TPCN1: variants seen among roughly 807,000 people sequenced by gnomAD.
The protein encoded by TPCN1 is two pore segment channel 1.
Under a neutral mutation model 108.8 loss-of-function variants are expected in TPCN1, and 52 were observed. The ratio of observed to expected loss-of-function variants is 0.48; its 90% CI spans 0.38 to 0.60. TPCN1 has a LOEUF of 0.60. Ranked by LOEUF, TPCN1 falls within the 20% of genes least tolerant of loss-of-function variation. TPCN1 has a pLI of 0.00. For synonymous variants in TPCN1, 446 were observed against 433.7 expected, an observed-to-expected ratio of 1.03 and a Z score of -0.35; for missense variants, 806 against 1,072.8, an observed-to-expected ratio of 0.75 and a Z score of 3.47.
chr12:113,280,694 C>T (rs539517222), intron 15 of TPCN1, among the ~76,000 whole-genome samples: 5 of 152,278 alleles, frequency 3.3e-5, no homozygotes, highest in Admixed American at 6.5e-5. Flanking sequence ...GATTAATAGC[C>T]ACAAATGGCT....
At position 113,268,995 on chromosome 12, in the gene TPCN1, C is replaced by A; in HGVS notation, c.659+123C>A. ...CGACCCTGCATGCTGGTGGAGTACA[C>A]GCAGACTCACTCTCCCTCTGCCATT... On this transcript the variant is annotated intron_variant, in intron 6 of 27. Transcript: ENST00000335509. The surrounding 1 kb of genome is among the most constrained non-coding windows in gnomAD (Gnocchi z 7.3). 9.2e-7 allele frequency: 1 copy of A among 1,085,780 alleles called. No individual in the cohort carries two copies. Among genetic ancestry groups the A allele is most frequent in the African/African-American group, 1.5e-5 (1 of 65,090 alleles). The allele number at this position is 1,085,780 out of a possible 1,614,324, so 67.3% of individuals were successfully genotyped here.
chr12:113,289,530 A>C lies in TPCN1; in HGVS notation c.1797-598A>C, dbSNP rs1012596807. On this transcript the variant is annotated intron_variant, in intron 21 of 27. Coordinates refer to ENST00000335509, the MANE Select transcript of TPCN1 (RefSeq NM_017901.6). The surrounding 1 kb of genome is among the most constrained non-coding windows in gnomAD (Gnocchi z 4.1). Reference sequence around the variant, plus strand: ...TTGCAGTCACCAGGGAGCTTAGTGCAAGCTCCAGACCTCACTCTTGTGTCT... The same window carrying C: ...TTGCAGTCACCAGGGAGCTTAGTGCCAGCTCCAGACCTCACTCTTGTGTCT... Among the ~76,000 whole-genome samples the C allele has an allele frequency of 2.0e-5, 3 of 152,220 alleles. No homozygotes were observed. The highest frequency in any genetic ancestry group is 4.4e-5 in the Non-Finnish European group (3 of 68,036).
chr12:113,250,617 G>A (rs925993971), intron 2 of TPCN1, among the ~76,000 whole-genome samples: 12 of 152,240 alleles, frequency 7.9e-5, no homozygotes, highest in African/African-American at 2.7e-4. Flanking sequence ...AAACAAAGGA[G>A]TAGATGAACA....
At chr12:113,250,235 T>G (rs1954580008) in intron 2 of TPCN1, among the ~76,000 whole-genome samples, 1 of 152,210 alleles carries the variant, frequency 6.6e-6, no homozygotes, top group Non-Finnish European at 1.5e-5. Context: ...TCTAGGCAGC[T>G]GGGCCCTGCT....
intron 2 of TPCN1, among the ~76,000 whole-genome samples, chr12:113,241,360 G>A (rs1008972147): frequency 3.3e-5 from 5 of 152,214 alleles, no homozygotes; most frequent in Admixed American, 3.3e-4. Context: ...ACCTGCAGCA[G>A]CAGCAGCAGC....
chr12:113,225,446 C>G (rs1953434892), intron 1 of TPCN1: 1 of 296,034 alleles, frequency 3.4e-6, no homozygotes. Context: ...TGTCACTCTC[C>G]AGACAGAATT....
chr12:113,269,751 C>A lies in TPCN1; in HGVS notation c.660-6C>A, dbSNP rs367897848. ...GCCTCCCCTGAGCTGGCCCATCTCT[C>A]CCCAGCAACCTGCGGCAGATCTTCC... On this transcript the variant is annotated splice_region_variant and splice_polypyrimidine_tract_variant and intron_variant, in intron 6 of 27. Transcript: ENST00000335509. The surrounding 1 kb of genome is among the most constrained non-coding windows in gnomAD (Gnocchi z 5.0). 2.5e-6 allele frequency: 4 copies of A among 1,612,904 alleles called. No individual in the cohort carries two copies. The highest frequency in any genetic ancestry group is 2.5e-6 in the Non-Finnish European group (3 of 1,179,932).
chr12:113,260,593 G>A, intron 3 of TPCN1, 101 bp downstream of exon 3: 2 of 1,398,124 alleles, frequency 1.4e-6, no homozygotes, highest in Non-Finnish European at 1.9e-6. Context: ...TCCAGCATCA[G>A]TTCATGCTGC....
intron 2 of TPCN1, among the ~76,000 whole-genome samples, chr12:113,233,369 C>G (rs1317926253): frequency 1.3e-5 from 2 of 152,240 alleles, no homozygotes; most frequent in East Asian, 3.9e-4. Flanking sequence ...TCAGCTTCCC[C>G]ATCGGGGAGG....
rs1300083499 is a variant in TPCN1 at position 113,231,741 on chromosome 12, CT to C, written c.112+4778del. Among the ~76,000 whole-genome samples the C allele has an allele frequency of 6.6e-6, 1 of 152,210 alleles. No homozygotes were observed. Among genetic ancestry groups the C allele is most frequent in the African/African-American group, 2.4e-5 (1 of 41,442 alleles). On this transcript the variant is annotated intron_variant, in intron 2 of 27. Coordinates refer to ENST00000335509, the MANE Select transcript of TPCN1 (RefSeq NM_017901.6). The surrounding 1 kb of genome is among the most constrained non-coding windows in gnomAD (Gnocchi z 4.3). Reference sequence around the variant, plus strand: ...AGACATCTTTGGGCTCTAAGTGCGGCTGCTGCAGTGCTAATGAATGACTCAC... The same window carrying C: ...AGACATCTTTGGGCTCTAAGTGCGGCGCTGCAGTGCTAATGAATGACTCAC...
chr12:113,271,680 G>A (rs1323342624), intron 7 of TPCN1, among the ~76,000 whole-genome samples: 1 of 152,100 alleles, frequency 6.6e-6, no homozygotes, highest in Non-Finnish European at 1.5e-5. Flanking sequence ...CTCTTCTGTC[G>A]GACGTTTTTC....
At position 113,261,043 on chromosome 12, in the gene TPCN1, A is replaced by G. The variant is rs191317976; in HGVS notation, c.237+551A>G. ...CCCTGTCTCTACTAAAAATACAAAAAATTAGCTGGGCGTTGGTGGGCGCCT... is the reference window on the plus strand; with the variant it reads ...CCCTGTCTCTACTAAAAATACAAAAGATTAGCTGGGCGTTGGTGGGCGCCT... On this transcript the variant is annotated intron_variant, in intron 3 of 27. Transcript: ENST00000335509. Among the ~76,000 whole-genome samples the G allele has an allele frequency of 5.4e-3, 822 of 152,136 alleles. 7 individuals carry two copies. Among genetic ancestry groups the G allele is most frequent in the African/African-American group, 0.018 (761 of 41,490 alleles).
chr12:113,225,002 CT>C (rs1953419806), intron 1 of TPCN1, among the ~76,000 whole-genome samples: 1 of 151,988 alleles, frequency 6.6e-6, no homozygotes, highest in African/African-American at 2.4e-5. Flanking sequence ...CCACCCGTCT[CT>C]GCCTCCCAAA....
chr12:113,257,308 A>G (rs554512223), intron 2 of TPCN1, among the ~76,000 whole-genome samples: 39 of 152,288 alleles, frequency 2.6e-4, no homozygotes, highest in African/African-American at 6.7e-4. Flanking sequence ...CCTGGCCAAC[A>G]TGGTGAAACG....
chr12:113,278,349 C>A, intron 13 of TPCN1, 112 bp downstream of exon 13: 1 of 995,414 alleles, frequency 1.0e-6, no homozygotes, highest in Non-Finnish European at 1.6e-6. Flanking sequence ...AGCAGCTCAG[C>A]CCCCAGCTTG....
At chr12:113,244,537 T>A (rs1269162538) in intron 2 of TPCN1, 11 of 985,336 alleles carry the variant, frequency 1.1e-5, no homozygotes, top group Non-Finnish European at 1.3e-5. Context: ...GATTTTTATC[T>A]GGGGGCCTTT....
intron 24 of TPCN1, 95 bp downstream of exon 24, chr12:113,291,772 G>T (rs1416207487): frequency 6.4e-7 from 1 of 1,564,660 alleles, no homozygotes; most frequent in East Asian, 2.3e-5. Context: ...AGTGGGGCTG[G>T]GTCCCATCTG....
At chr12:113,271,136 G>A (rs1394916706) in intron 7 of TPCN1, among the ~76,000 whole-genome samples, 1 of 151,970 alleles carries the variant, frequency 6.6e-6, no homozygotes, top group Non-Finnish European at 1.5e-5. Flanking sequence ...TGGGTATGGT[G>A]GCATGTGGCA....
Position 113,268,804 on chromosome 12 carries a change from T to C in TPCN1, c.591T>C (p.His197=). The C allele has an allele frequency of 6.2e-7, 1 of 1,614,126 alleles. No homozygotes were observed. The highest frequency in any genetic ancestry group is 1.1e-5 in the South Asian group (1 of 91,074). ...AIVVLVRQMS[H]VRVTRALRCI... is the part of the protein sequence containing the mutation. ...TGGTGTTGGTACGGCAGATGTCCCA[T>C]GTGCGGGTGACCCGAGCACTGCGCT... is the stretch of plus-strand genomic sequence containing the variant. The change falls in exon 6 of 28, where the codon CAT becomes CAC. Residue 197 remains histidine, a synonymous_variant. Transcript: ENST00000335509. The surrounding 1 kb of genome is among the most constrained non-coding windows in gnomAD (Gnocchi z 7.3).
Sources: gnomAD v4.1 joint callset for allele counts (sites outside exome capture counted in the v4.1 genomes callset) on GRCh38, gnomAD v4.1.1 for gene constraint, Gnocchi (gnomAD v3.1) non-coding constraint, MANE v1.5 for transcripts, NCBI Gene and HGNC (gene_info 2026-07-23, HGNC 2026-07-21) for gene names.